The following OXR1 variants were observed in gnomAD, a reference collection of about 807,000 sequenced individuals.
The protein encoded by OXR1 is oxidation resistance protein 1.
OXR1 carries 41 observed loss-of-function variants against 104.6 expected under a neutral mutation model. That is an observed-to-expected ratio of 0.39 (90% CI 0.31 to 0.51). The LOEUF (loss-of-function observed/expected upper bound fraction) is 0.51. Among genes scored for constraint, OXR1 ranks in the 20% least tolerant of loss-of-function variants. The pLI is 0.77. For synonymous variants in OXR1, 348 were observed against 348.4 expected (o/e 1.00, Z 0.01); for missense variants, 955 against 1,031.9 (o/e 0.93, Z 1.02).
At chr8:106,428,619 T>G (rs1386792421) in intron 2 of OXR1, among the ~76,000 whole-genome samples, 2 of 151,838 alleles carry the variant, frequency 1.3e-5, no homozygotes, top group East Asian at 3.9e-4. Context: ...TTTTTTTTTT[T>G]TTTTTAAACA....
At chr8:106,412,800 ATTAT>A (rs1818512167) in intron 2 of OXR1, among the ~76,000 whole-genome samples, 1 of 152,014 alleles carries the variant, frequency 6.6e-6, no homozygotes, top group Non-Finnish European at 1.5e-5. Context: ...ATAAATTTGT[ATTAT>A]TTATAGAATC....
intron 3 of OXR1, among the ~76,000 whole-genome samples, chr8:106,521,665 A>G (rs1586753637): frequency 1.3e-5 from 2 of 152,088 alleles, no homozygotes; most frequent in East Asian, 3.9e-4. Context: ...GGCACATGCC[A>G]CTATGCCCTG....
intron 1 of OXR1, among the ~76,000 whole-genome samples, chr8:106,327,664 T>A (rs182809611): frequency 1.7e-3 from 262 of 152,312 alleles, no homozygotes; most frequent in African/African-American, 5.7e-3. Flanking sequence ...AAAATCTCTT[T>A]TGGTCTGTTT....
intron 6 of OXR1, among the ~76,000 whole-genome samples, chr8:106,689,705 T>C (rs1035435606): frequency 6.6e-6 from 1 of 152,000 alleles, no homozygotes; most frequent in African/African-American, 2.4e-5. Flanking sequence ...TAATTTCTCA[T>C]AGGGTTTTGG....
chr8:106,419,345 C>T (rs368808751), intron 2 of OXR1, among the ~76,000 whole-genome samples: 34 of 152,272 alleles, frequency 2.2e-4, no homozygotes, highest in African/African-American at 7.9e-4. Flanking sequence ...AAATAAAGAA[C>T]TTTGAAGCAC....
intron 2 of OXR1, among the ~76,000 whole-genome samples, chr8:106,407,719 G>A (rs558821154): frequency 6.6e-5 from 10 of 152,284 alleles, no homozygotes; most frequent in African/African-American, 1.9e-4. Context: ...GCAACTGTAC[G>A]TGTACAATTT....
chr8:106,493,655 C>G (rs1429150032), intron 2 of OXR1, among the ~76,000 whole-genome samples: 1 of 152,188 alleles, frequency 6.6e-6, no homozygotes, highest in African/African-American at 2.4e-5. Context: ...TCTCTCCCTT[C>G]CTGAGATTTC....
intron 3 of OXR1, among the ~76,000 whole-genome samples, chr8:106,523,844 G>A (rs1355321282): frequency 2.0e-5 from 3 of 151,086 alleles, no homozygotes; most frequent in Admixed American, 1.3e-4. Context: ...GCACGATCTC[G>A]GCTCACTGCA....
At chr8:106,461,323 G>A (rs1820900410) in intron 2 of OXR1, among the ~76,000 whole-genome samples, 2 of 152,082 alleles carry the variant, frequency 1.3e-5, no homozygotes, top group African/African-American at 4.8e-5. Context: ...TATAATCCCA[G>A]CACTTTAGGA....
At chr8:106,503,679 G>C (rs1371549707) in intron 2 of OXR1, among the ~76,000 whole-genome samples, 1 of 152,192 alleles carries the variant, frequency 6.6e-6, no homozygotes, top group Non-Finnish European at 1.5e-5. Flanking sequence ...CTGACAAGGG[G>C]ATGTAAAGAG....
At chr8:106,638,824 T>C (rs1189037470) in intron 3 of OXR1, among the ~76,000 whole-genome samples, 2 of 151,006 alleles carry the variant, frequency 1.3e-5, no homozygotes, top group South Asian at 4.2e-4. Flanking sequence ...ACCTGGGAGG[T>C]TGAGGTTGCA....
At chr8:106,641,514 A>G (rs1823626271) in intron 3 of OXR1, among the ~76,000 whole-genome samples, 1 of 152,230 alleles carries the variant, frequency 6.6e-6, no homozygotes, top group Non-Finnish European at 1.5e-5. Context: ...CAAACAGACT[A>G]TAAAAGTTGC....
At chr8:106,288,542 GTA>G (rs1554618323) in intron 1 of OXR1, among the ~76,000 whole-genome samples, 3 of 147,496 alleles carry the variant, frequency 2.0e-5, no homozygotes, top group African/African-American at 5.0e-5. Context: ...GTGTGTGTGT[GTA>G]TATATATATA....
intron 6 of OXR1, among the ~76,000 whole-genome samples, chr8:106,686,732 C>T (rs1828768076): frequency 6.6e-6 from 1 of 152,142 alleles, no homozygotes; most frequent in Admixed American, 6.5e-5. Flanking sequence ...TAGTGGTTTA[C>T]TATGAAGCTA....
At chr8:106,486,931 A>G (rs988386442) in intron 2 of OXR1, among the ~76,000 whole-genome samples, 1 of 151,982 alleles carries the variant, frequency 6.6e-6, no homozygotes. Context: ...AACCTGAAAA[A>G]TTTTGAAGTT....
Position 106,706,577 on chromosome 8 carries a change from A to G in OXR1, c.1056A>G (p.Val352=), listed in dbSNP as rs554720455. The change falls in exon 9 of 17, where the codon GTA becomes GTG. Residue 352 remains valine, a synonymous_variant. Transcript: ENST00000517566. ...TTTCCCCTATACGAGAGGAGCTTGTATCTTCAGATGAACTGCGACAAGATA... is the reference window on the plus strand; with the variant it reads ...TTTCCCCTATACGAGAGGAGCTTGTGTCTTCAGATGAACTGCGACAAGATA... ...SELSPIREEL[V]SSDELRQDKS... is the part of the protein sequence containing the mutation. 2.5e-4 allele frequency: 395 copies of G among 1,612,192 alleles called. 4 individuals carry two copies. In the South Asian group the frequency reaches 4.0e-3, roughly 16 times the overall value.
chr8:106,318,762 C>T (rs1466172081), intron 1 of OXR1, among the ~76,000 whole-genome samples: 1 of 152,114 alleles, frequency 6.6e-6, no homozygotes, highest in Non-Finnish European at 1.5e-5. Context: ...TTATAAGATA[C>T]TTGCTTTTCT....
intron 2 of OXR1, among the ~76,000 whole-genome samples, chr8:106,489,962 C>T (rs530998018): frequency 6.6e-6 from 1 of 152,226 alleles, no homozygotes; most frequent in East Asian, 1.9e-4. Flanking sequence ...AAAAATTATA[C>T]CAGGACAACT....
At chr8:106,476,630 A>T (rs899616589) in intron 2 of OXR1, among the ~76,000 whole-genome samples, 4 of 151,926 alleles carry the variant, frequency 2.6e-5, no homozygotes, top group Admixed American at 2.0e-4. Context: ...GCACTAAAAA[A>T]ACTGTTCAGG....
Sources: allele counts gnomAD v4.1 joint callset (sites outside exome capture counted in the v4.1 genomes callset), GRCh38; gene constraint gnomAD v4.1.1; transcripts MANE v1.5; gene names NCBI Gene and HGNC (gene_info 2026-07-23, HGNC 2026-07-21).